Variants in TULP4 observed in about 807,000 individuals in gnomAD.
The protein encoded by TULP4 is tubby-related protein 4.
In TULP4, 16 loss-of-function variants were observed where a neutral mutation model predicts 129.0. The ratio of observed to expected loss-of-function variants is 0.12; its 90% confidence interval spans 0.08 to 0.19. TULP4 has a LOEUF of 0.19. Among genes scored for constraint, TULP4 ranks in the 10% least tolerant of loss-of-function variants. The pLI is 1.00. For missense variants in TULP4, 1,842 were observed against 2,059.1 expected (o/e 0.89, Z 2.04); for synonymous variants, 998 against 854.0 (o/e 1.17, Z -2.94).
chr6:158,280,382 T>C (rs751982813), upstream of TULP4, among the ~76,000 whole-genome samples: 12 of 152,272 alleles, frequency 7.9e-5, no homozygotes, highest in Non-Finnish European at 1.3e-4. Context: ...AGTTATCTTT[T>C]CTTCATTTTT....
chr6:158,303,727 A>C (rs1291994925), intron 1 of TULP4, among the ~76,000 whole-genome samples: 2 of 152,216 alleles, frequency 1.3e-5, no homozygotes, highest in Non-Finnish European at 1.5e-5. Flanking sequence ...TGTGGTGCAC[A>C]CACTCAGGAG....
intron 1 of TULP4, among the ~76,000 whole-genome samples, chr6:158,403,298 A>T (rs1163968059): frequency 6.6e-6 from 1 of 152,140 alleles, no homozygotes; most frequent in East Asian, 1.9e-4. Flanking sequence ...TACCAGGATA[A>T]GTTCCTTGTG....
chr6:158,447,919 T>A (rs147724281), intron 3 of TULP4, among the ~76,000 whole-genome samples: 1 of 152,240 alleles, frequency 6.6e-6, no homozygotes, highest in East Asian at 1.9e-4. Context: ...AGATGTAAAG[T>A]TTTTAATGGC....
chr6:158,345,303 C>T (rs937177523), intron 1 of TULP4, among the ~76,000 whole-genome samples: 5 of 152,192 alleles, frequency 3.3e-5, no homozygotes, highest in African/African-American at 4.8e-5. Flanking sequence ...TGCATGCCAC[C>T]ATGCCTGGCT....
chr6:158,295,597 T>C (rs1779013870), intron 1 of TULP4, among the ~76,000 whole-genome samples: 1 of 152,172 alleles, frequency 6.6e-6, no homozygotes, highest in Non-Finnish European at 1.5e-5. Flanking sequence ...TAAAGAAATA[T>C]GGCCAGCATT....
At chr6:158,474,875 C>T (rs1209978481) in intron 6 of TULP4, among the ~76,000 whole-genome samples, 1 of 152,172 alleles carries the variant, frequency 6.6e-6, no homozygotes, top group Non-Finnish European at 1.5e-5. Context: ...TTTTGGGTTT[C>T]AGATTTTCAG....
At chr6:158,368,330 A>T (rs138350229) in intron 1 of TULP4, among the ~76,000 whole-genome samples, 217 of 152,218 alleles carry the variant, frequency 1.4e-3, no homozygotes, top group African/African-American at 4.8e-3. Context: ...TTTGAGACAG[A>T]GTCTCGCTGT....
At position 158,364,904 on chromosome 6, in the gene TULP4, T is replaced by A. The variant is rs543286137; in HGVS notation, c.253-48161T>A. 9.2e-5 allele frequency among the ~76,000 whole-genome samples: 14 copies of A among 152,008 alleles called. No individual in the cohort carries two copies. In the South Asian group the frequency reaches 2.5e-3, roughly 27 times the overall value. ...GCGCCCGCCACCACGCCTGGCTAAT[T>A]TTTTGTATTTTTAGTAGAGATGGGG... is the stretch of plus-strand genomic sequence containing the variant. On this transcript the variant is annotated intron_variant, in intron 1 of 13. Transcript: ENST00000367097.
intron 1 of TULP4, among the ~76,000 whole-genome samples, chr6:158,341,004 A>G (rs1270936052): frequency 6.6e-6 from 1 of 152,016 alleles, no homozygotes; most frequent in Non-Finnish European, 1.5e-5. Flanking sequence ...TTTTCCTAGT[A>G]TGCTACTGAA....
chr6:158,338,599 C>T (rs1398620660), intron 1 of TULP4, among the ~76,000 whole-genome samples: 1 of 152,174 alleles, frequency 6.6e-6, no homozygotes, highest in Non-Finnish European at 1.5e-5. Context: ...CACATTTCCG[C>T]ATACTAGAGG....
At position 158,508,596 on chromosome 6, in the gene TULP4, T is replaced by G. The variant is rs1780656918; in HGVS notation, c.*1902T>G. ...AATTCAGCAATGTTATCAGAATTAA[T>G]TCTTTTATATGAGTTTATGTAGCTT... On this transcript the variant is annotated 3_prime_UTR_variant, in exon 14 of 14. Transcript: ENST00000367097. The G allele has an allele frequency of 6.6e-6, 1 of 152,654 alleles. No individual in the cohort carries two copies. Among genetic ancestry groups the G allele is most frequent in the South Asian group, 2.1e-4 (1 of 4,834 alleles). 9.5% of individuals were successfully genotyped at this position (152,654 alleles called of 1,614,324 possible).
At chr6:158,498,562 C>T in intron 11 of TULP4, 107 bp from the exon 12 acceptor site, 1 of 1,399,940 alleles carries the variant, frequency 7.1e-7, no homozygotes, top group Non-Finnish European at 1.0e-6. Context: ...GATCTGTCTT[C>T]TGATGGCAGG....
chr6:158,419,487 C>T (rs556621670), intron 2 of TULP4, among the ~76,000 whole-genome samples: 3 of 152,160 alleles, frequency 2.0e-5, no homozygotes, highest in South Asian at 2.1e-4. Context: ...AAATATAATG[C>T]TAATTAGAAT....
At chr6:158,436,966 T>C (rs1217748945) in intron 3 of TULP4, among the ~76,000 whole-genome samples, 1 of 152,216 alleles carries the variant, frequency 6.6e-6, no homozygotes, top group Non-Finnish European at 1.5e-5. Context: ...TAAGGAGGTT[T>C]TGCACCCTGT....
chr6:158,350,607 C>T (rs1486160843), intron 1 of TULP4, among the ~76,000 whole-genome samples: 1 of 152,132 alleles, frequency 6.6e-6, no homozygotes, highest in Non-Finnish European at 1.5e-5. Context: ...TGCCTGGAAT[C>T]CCAGGCACTC....
chr6:158,359,114 A>C (rs761898084), intron 1 of TULP4, among the ~76,000 whole-genome samples: 1 of 151,972 alleles, frequency 6.6e-6, no homozygotes. Flanking sequence ...TTCTGCCCCT[A>C]ATTTGTTGTT....
intron 1 of TULP4, among the ~76,000 whole-genome samples, chr6:158,370,476 A>AG (rs1777047579): frequency 6.7e-6 from 1 of 148,924 alleles, no homozygotes; most frequent in East Asian, 1.9e-4. Flanking sequence ...AAAAAAAAAA[A>AG]AAAAAAAGAT....
chr6:158,503,559 T>C lies in TULP4; in HGVS notation c.3896T>C (p.Leu1299Pro), dbSNP rs748591714. Residue 1299 changes from leucine (L) to proline (P), a missense_variant, in exon 13 of 14, where the codon CTC (leucine) becomes CCC (proline). Physicochemically the swap from Leu to Pro is moderately conservative, Grantham distance 98. Coordinates refer to ENST00000367097, the MANE Select transcript of TULP4 (RefSeq NM_020245.5). The surrounding 1 kb of genome is among the most constrained non-coding windows in gnomAD (Gnocchi z 4.3). Reference sequence around the variant, plus strand: ...CTTGTGTCCCCACCACCTGCCGACCTCCAAAGCCACTTGGGCACAGAGGTG... The same window carrying C: ...CTTGTGTCCCCACCACCTGCCGACCCCCAAAGCCACTTGGGCACAGAGGTG... ...KPLVSPPPAD[L>P]QSHLGTEVMV... 6.2e-7 allele frequency: 1 copy of C among 1,613,804 alleles called. No individual in the cohort carries two copies. The highest frequency in any genetic ancestry group is 2.2e-5 in the East Asian group (1 of 44,868).
intron 6 of TULP4, among the ~76,000 whole-genome samples, chr6:158,476,264 A>G (rs536837599): frequency 6.6e-6 from 1 of 152,234 alleles, no homozygotes; most frequent in Admixed American, 6.5e-5. Flanking sequence ...GGGCAAGTAA[A>G]TGAGTGCTGC....
Sources: gnomAD v4.1 joint callset for allele counts (sites outside exome capture counted in the v4.1 genomes callset) on GRCh38, gnomAD v4.1.1 for gene constraint, Gnocchi (gnomAD v3.1) non-coding constraint, MANE v1.5 for transcripts, NCBI Gene and HGNC (gene_info 2026-07-23, HGNC 2026-07-21) for gene names.